Variants in LYST observed in about 807,000 individuals in gnomAD.
The protein encoded by LYST is lysosomal trafficking regulator, also known as lysosomal-trafficking regulator.
Under a neutral mutation model 413.6 loss-of-function variants are expected in LYST, and 192 were observed. The ratio of observed to expected loss-of-function variants is 0.46; its 90% CI spans 0.41 to 0.52. LYST has a LOEUF of 0.52. Ranked by LOEUF, LYST falls within the 20% of genes least tolerant of loss-of-function variation. LYST has a pLI of 0.00. For synonymous variants in LYST, 1,525 were observed against 1,567.3 expected (o/e 0.97, Z 0.64); for missense variants, 3,815 against 4,499.9 (o/e 0.85, Z 4.35).
chr1:235,845,225 G>A (rs1392370229), intron 1 of LYST, among the ~76,000 whole-genome samples: 1 of 152,200 alleles, frequency 6.6e-6, no homozygotes, highest in African/African-American at 2.4e-5. Flanking sequence ...CACTGGAGAA[G>A]CTGAAGGTCT....
chr1:235,744,184 A>G, intron 29 of LYST, 27 bp from the exon 30 acceptor site: 1 of 1,246,858 alleles, frequency 8.0e-7, no homozygotes, highest in South Asian at 1.2e-5. Flanking sequence ...AGAATACAAA[A>G]TTAGTCATAT....
intron 50 of LYST, among the ~76,000 whole-genome samples, chr1:235,673,308 T>A (rs181709895): frequency 6.6e-6 from 1 of 152,286 alleles, no homozygotes; most frequent in East Asian, 1.9e-4. Context: ...ATATTACTTT[T>A]AATGCTTGTT....
chr1:235,849,952 A>G (rs1350744863), intron 1 of LYST, among the ~76,000 whole-genome samples: 1 of 152,052 alleles, frequency 6.6e-6, no homozygotes, highest in African/African-American at 2.4e-5. Context: ...CTATACTGCC[A>G]AAAGCAATCT....
chr1:235,711,846 T>C (rs1189303680), intron 43 of LYST, among the ~76,000 whole-genome samples: 2 of 152,014 alleles, frequency 1.3e-5, no homozygotes, highest in Admixed American at 6.6e-5. Context: ...TAGTTAAAAG[T>C]TACAGTTTTC....
Position 235,803,023 on chromosome 1 carries a change from A to G in LYST, c.3597T>C (p.Asp1199=), listed in dbSNP as rs749681115. The change falls in exon 8 of 53, where the codon GAT becomes GAC. Residue 1199 remains aspartate (D), a synonymous_variant. Transcript: ENST00000389793. ...SAEELSSQPG[D]FSEEAEDSQC... is the part of the protein sequence containing the mutation. ...GAGAATCCTCAGCTTCTTCTGAAAA[A>G]TCACCAGGCTGGGATGACAATTCTT... 8.7e-6 allele frequency: 14 copies of G among 1,613,386 alleles called. No homozygotes were observed. Among genetic ancestry groups the G allele is most frequent in the Non-Finnish European group, 1.2e-5 (14 of 1,179,718 alleles).
At position 235,712,078 on chromosome 1, in the gene LYST, C is replaced by A; in HGVS notation, c.9904G>T (p.Glu3302Ter). ...ELIPEFFYLP[E>*]FLVNREGFDF... ...ATACCTTCACGGTTAACTAGGAACT[C>A]TGGAAGATAGAAAAACTCTGGGATA... The change falls in exon 43 of 53, where the codon GAG becomes TAG. Residue 3302 changes from glutamate (E) to a stop codon, truncating the protein, a stop_gained. Transcript: ENST00000389793. LOFTEE classifies it high-confidence loss of function. The A allele has an allele frequency of 6.5e-7, 1 of 1,546,034 alleles. No individual in the cohort carries two copies. The highest frequency in any genetic ancestry group is 8.8e-7 in the Non-Finnish European group (1 of 1,141,932).
intron 40 of LYST, among the ~76,000 whole-genome samples, chr1:235,718,951 T>C (rs1410707233): frequency 6.6e-6 from 1 of 152,236 alleles, no homozygotes; most frequent in Non-Finnish European, 1.5e-5. Context: ...GCAGTCATTA[T>C]TCTTTTTATT....
chr1:235,812,091 A>C (rs1482789264), intron 4 of LYST, among the ~76,000 whole-genome samples: 1 of 152,194 alleles, frequency 6.6e-6, no homozygotes, highest in East Asian at 1.9e-4. Context: ...AATCTCTCCA[A>C]TGAAACATTT....
At chr1:235,787,673 A>T (rs1161560498) in intron 13 of LYST, among the ~76,000 whole-genome samples, 1 of 152,246 alleles carries the variant, frequency 6.6e-6, no homozygotes. Context: ...TTATATAGCC[A>T]TTGCCCATTT....
chr1:235,864,653 C>T (rs574521745), intron 1 of LYST, among the ~76,000 whole-genome samples: 3 of 152,312 alleles, frequency 2.0e-5, no homozygotes, highest in African/African-American at 4.8e-5. Context: ...AGCCTGGGGC[C>T]GAGCGCAGTG....
At chr1:235,722,510 G>A (rs1437548346) in intron 39 of LYST, among the ~76,000 whole-genome samples, 1 of 152,098 alleles carries the variant, frequency 6.6e-6, no homozygotes, top group East Asian at 1.9e-4. Flanking sequence ...GTTTTAGATG[G>A]AGTCTCACTC....
chr1:235,832,552 T>C (rs1289682281), intron 2 of LYST, among the ~76,000 whole-genome samples: 1 of 152,198 alleles, frequency 6.6e-6, no homozygotes. Flanking sequence ...GATTACTTGC[T>C]TTTATTTAAT....
Position 235,686,938 on chromosome 1 carries a change from C to A in LYST, c.10800+11G>T, listed in dbSNP as rs1464352002. ...AGTCCCATACTACCCACACAGAAGC[C>A]CAGAACCTACCGTGCTGCTTGTAAA... On this transcript the variant is annotated intron_variant, in intron 48 of 52. Coordinates refer to ENST00000389793, the MANE Select transcript of LYST (RefSeq NM_000081.4). This position sits in a 1 kb window ranked among gnomAD's most constrained non-coding sequence, Gnocchi z 4.0. The A allele has an allele frequency of 2.5e-6, 4 of 1,609,470 alleles. No individual in the cohort carries two copies. In the South Asian group the frequency reaches 4.4e-5, roughly 18 times the overall value.
At chr1:235,799,928 CTTTTTTTTTTTTTTTTTTTTTTTTTTT>C (rs67988872) in intron 10 of LYST, among the ~76,000 whole-genome samples, 31 of 63,480 alleles carry the variant, frequency 4.9e-4, no homozygotes, top group African/African-American at 8.1e-4. Flanking sequence ...CAATGGAAGC[CTTTTTTTTTTTTTTTTTTTTTTTTTTT>C]TTTTTTTTTT....
intron 44 of LYST, among the ~76,000 whole-genome samples, chr1:235,707,156 C>T (rs1662055438): frequency 1.3e-5 from 2 of 152,210 alleles, no homozygotes; most frequent in South Asian, 4.1e-4. Flanking sequence ...TCTACTACTA[C>T]ATCCAGGCAG....
chr1:235,778,519 T>C (rs1669540801), intron 16 of LYST, among the ~76,000 whole-genome samples: 1 of 151,124 alleles, frequency 6.6e-6, no homozygotes, highest in Non-Finnish European at 1.5e-5. Context: ...GAATTACAGG[T>C]GCATGCCACC....
rs1466299803 is a variant in LYST, at chr1:235,702,910, A to G, written c.10211T>C (p.Ile3404Thr). The change falls in exon 45 of 53, where the codon ATA becomes ACA. Residue 3404 changes from isoleucine to threonine, a missense_variant. Physicochemically the swap from Ile to Thr is moderately conservative, Grantham distance 89 (BLOSUM62 -1). Transcript: ENST00000389793. ...ACGGGGAGTCTGCCCGTAGGTTTTT[A>G]TCATGGTTTCTAGCGCTCGTCTCTG... ...PVQRRALETMIKTYGQTPRQL... is the reference protein window; with the variant it reads ...PVQRRALETMTKTYGQTPRQL... The G allele has an allele frequency of 6.2e-7, 1 of 1,614,158 alleles. No homozygotes were observed. The highest frequency in any genetic ancestry group is 1.3e-5 in the African/African-American group (1 of 75,030).
chr1:235,766,019 G>T, intron 21 of LYST, 60 bp downstream of exon 21: 1 of 1,222,774 alleles, frequency 8.2e-7, no homozygotes, highest in Non-Finnish European at 1.2e-6. Context: ...TGTGAATCAA[G>T]TGGGAAGAAT....
intron 1 of LYST, among the ~76,000 whole-genome samples, chr1:235,858,359 TAC>T (rs925841823): frequency 1.1e-4 from 16 of 151,974 alleles, no homozygotes; most frequent in Non-Finnish European, 1.8e-4. Flanking sequence ...TAGTGACTAC[TAC>T]ACAGTGTTCA....
Sources: gnomAD v4.1 joint callset for allele counts (sites outside exome capture counted in the v4.1 genomes callset) on GRCh38, gnomAD v4.1.1 for gene constraint, Gnocchi (gnomAD v3.1) non-coding constraint, MANE v1.5 for transcripts, NCBI Gene and HGNC (gene_info 2026-07-23, HGNC 2026-07-21) for gene names.